Variants in APAF1 observed in about 807,000 individuals in gnomAD.
APAF1 encodes apoptotic protease-activating factor 1.
A neutral mutation model predicts 152.4 loss-of-function variants in APAF1; 91 were observed. The ratio of observed to expected loss-of-function variants is 0.60; its 90% confidence interval spans 0.50 to 0.71. APAF1 has a LOEUF of 0.71. Ranked by LOEUF, APAF1 falls within the 30% of genes least tolerant of loss-of-function variation. The probability of loss-of-function intolerance (pLI) is 0.00; values close to 1 mark genes in which losing one functional copy is unlikely to be tolerated. For missense variants in APAF1, 1,283 were observed against 1,472.0 expected (o/e 0.87, Z 2.10); for synonymous variants, 484 against 494.1 (o/e 0.98, Z 0.27).
Position 98,665,630 on chromosome 12 carries a change from C to T in APAF1, c.1033C>T (p.Leu345Phe). The T allele has an allele frequency of 6.2e-7, 1 of 1,613,760 alleles. No individual in the cohort carries two copies. Among genetic ancestry groups the T allele is most frequent in the Non-Finnish European group, 8.5e-7 (1 of 1,179,948 alleles). ...PNRWEYYLKQ[L>F]QNKQFKRIRK... is the part of the protein sequence containing the mutation. ...TCGCTGGGAGTACTACCTCAAACAGCTTCAGAATAAGCAGTTTAAGAGAAT... is the reference window on the plus strand; with the variant it reads ...TCGCTGGGAGTACTACCTCAAACAGTTTCAGAATAAGCAGTTTAAGAGAAT... The change falls in exon 8 of 27, where the codon CTT (leucine) becomes TTT (phenylalanine). Residue 345 changes from leucine to phenylalanine, a missense_variant. Leu to Phe is a conservative substitution (Grantham distance 22, BLOSUM62 0). Coordinates refer to ENST00000551964, the MANE Select transcript of APAF1 (RefSeq NM_181861.2).
In APAF1 at chr12:98,712,449, GTCTTCAGAATCTTTC is replaced by G. The variant is rs752239491; in HGVS notation, c.2958+16_2958+30del. The G allele has an allele frequency of 3.0e-6, 4 of 1,339,478 alleles. No homozygotes were observed. The South Asian group carries it at 3.5e-5, about 12-fold the overall frequency. The allele number at this position is 1,339,478 out of a possible 1,614,324, so 83.0% of individuals were successfully genotyped here. On this transcript the variant is annotated intron_variant, in intron 21 of 26. Transcript: ENST00000551964. ...GGAGCCATTGAGGTATTCAGTGCTA[GTCTTCAGAATCTTTC>G]TGTACAGAATTAAATAAAACTAATT...
intron 13 of APAF1, among the ~76,000 whole-genome samples, chr12:98,678,773 G>T (rs2097689219): frequency 6.6e-6 from 1 of 152,256 alleles, no homozygotes; most frequent in Admixed American, 6.5e-5. Context: ...GCTGAGCCTG[G>T]GTGCTGTTGC....
In APAF1 at chr12:98,662,753, T is replaced by C; in HGVS notation, c.902T>C (p.Met301Thr). The C allele has an allele frequency of 1.2e-6, 2 of 1,612,204 alleles. No individual in the cohort carries two copies. Among genetic ancestry groups the C allele is most frequent in the Non-Finnish European group, 1.7e-6 (2 of 1,179,184 alleles). The change falls in exon 7 of 27, where the codon ATG becomes ACG. Residue 301 changes from methionine to threonine, a missense_variant. By Grantham distance (81) the Met-to-Thr change is moderately conservative (BLOSUM62 -1). Transcript: ENST00000551964. ...GLEILSLFVNMKKADLPEQAH... is the reference protein window; with the variant it reads ...GLEILSLFVNTKKADLPEQAH... ...GAAATTTTATCCCTTTTTGTTAATATGAAGAAGGCAGATTTGCCAGAACAA... is the reference window on the plus strand; with the variant it reads ...GAAATTTTATCCCTTTTTGTTAATACGAAGAAGGCAGATTTGCCAGAACAA...
rs2097764102 is a variant in APAF1 at position 98,732,663 on chromosome 12, T to C, written c.*97T>C. 2 of 837,802 alleles carry C rather than the reference T, an allele frequency of 2.4e-6. No homozygotes were observed. The highest frequency in any genetic ancestry group is 3.2e-4 in the Middle Eastern group (1 of 3,170). The allele number at this position is 837,802 out of a possible 1,614,324, so 51.9% of individuals were successfully genotyped here. A position where few individuals can be genotyped will look rare whatever the true frequency, so the allele number is the denominator to read the frequency against. ...TATCAACTTTTTATAAAGCTCTTAA[T>C]TGTTGTGCAGTATTGCATTCATTAC... On this transcript the variant is annotated 3_prime_UTR_variant, in exon 27 of 27. Coordinates refer to ENST00000551964, the MANE Select transcript of APAF1 (RefSeq NM_181861.2).
intron 22 of APAF1, among the ~76,000 whole-genome samples, chr12:98,717,357 C>A (rs769469396): frequency 4.0e-5 from 6 of 151,150 alleles, no homozygotes; most frequent in Admixed American, 3.9e-4. Context: ...ATTATATACA[C>A]ACACACACAC....
At chr12:98,704,946 AT>A (rs879862307) in intron 18 of APAF1, among the ~76,000 whole-genome samples, 4 of 150,940 alleles carry the variant, frequency 2.7e-5, no homozygotes, top group Admixed American at 6.6e-5. Flanking sequence ...TGCCCGGCTA[AT>A]TTTTTTTTGT....
rs1199843033 is a variant in APAF1 at position 98,659,271 on chromosome 12, C to G, written c.638C>G (p.Ser213Cys). 1.2e-6 allele frequency: 2 copies of G among 1,614,020 alleles called. No homozygotes were observed. Among genetic ancestry groups the G allele is most frequent in the Non-Finnish European group, 1.7e-6 (2 of 1,180,034 alleles). The change falls in exon 5 of 27, where the codon TCC becomes TGC. Residue 213 changes from serine to cysteine, a missense_variant. Ser to Cys is a moderately radical substitution (Grantham distance 112). Transcript: ENST00000551964. ...CGGTTGGATCAGGATGAGAGTTTTT[C>G]CCAGAGGCTTCCACTTAATATTGAA... ...CTRLDQDESF[S>C]QRLPLNIEEA... is the part of the protein sequence containing the mutation.
intron 16 of APAF1, among the ~76,000 whole-genome samples, chr12:98,696,796 G>A (rs113360522): frequency 2.6e-5 from 4 of 152,078 alleles, no homozygotes; most frequent in Non-Finnish European, 5.9e-5. Flanking sequence ...GCACCCTGCC[G>A]GGAGTAATCA....
intron 5 of APAF1, among the ~76,000 whole-genome samples, chr12:98,661,209 T>C (rs2097664840): frequency 6.6e-6 from 1 of 152,206 alleles, no homozygotes; most frequent in East Asian, 1.9e-4. Flanking sequence ...CCCCTCCTTC[T>C]CTTGATATTG....
chr12:98,664,927 CTTAAT>C (rs1490639220), intron 7 of APAF1, among the ~76,000 whole-genome samples: 1 of 152,038 alleles, frequency 6.6e-6, no homozygotes, highest in Non-Finnish European at 1.5e-5. Flanking sequence ...ATTGATATAT[CTTAAT>C]TTATTCAACC....
intron 4 of APAF1, among the ~76,000 whole-genome samples, chr12:98,653,359 TA>T (rs1276436945): frequency 6.6e-6 from 1 of 151,946 alleles, no homozygotes; most frequent in Non-Finnish European, 1.5e-5. Context: ...TAAAGAATAT[TA>T]AGTTGTTAAC....
chr12:98,704,946 A>AT lies in APAF1; in HGVS notation c.2595+1456dup, dbSNP rs879862307. Among the ~76,000 whole-genome samples the AT allele has an allele frequency of 1.9e-3, 281 of 151,062 alleles. 1 individual carries two copies. The highest frequency in any genetic ancestry group is 6.5e-3 in the African/African-American group (266 of 41,170). On this transcript the variant is annotated intron_variant, in intron 18 of 26. Coordinates refer to ENST00000551964, the MANE Select transcript of APAF1 (RefSeq NM_181861.2). Reference sequence around the variant, plus strand: ...AGGTGCCCACCAGCATGCCCGGCTAATTTTTTTTTGTATTTTTCATGGAGA... The same window carrying AT: ...AGGTGCCCACCAGCATGCCCGGCTAATTTTTTTTTTGTATTTTTCATGGAGA...
chr12:98,710,179 G>GTTTTTTTT (rs71443529), intron 20 of APAF1, among the ~76,000 whole-genome samples: 1 of 127,738 alleles, frequency 7.8e-6, no homozygotes, highest in Non-Finnish European at 1.6e-5. Context: ...CGGCCTAAGG[G>GTTTTTTTT]TTTTTTTTTT....
At chr12:98,704,346 C>T (rs2153336696) in intron 18 of APAF1, among the ~76,000 whole-genome samples, 1 of 152,316 alleles carries the variant, frequency 6.6e-6, no homozygotes, top group South Asian at 2.1e-4. Flanking sequence ...GAAACCCCTT[C>T]AGATCACAGT....
intron 22 of APAF1, among the ~76,000 whole-genome samples, chr12:98,719,574 G>A (rs967746562): frequency 1.3e-5 from 2 of 150,306 alleles, no homozygotes; most frequent in African/African-American, 2.5e-5. Flanking sequence ...GGATGGTCTC[G>A]ATCTCTTGAC....
chr12:98,715,677 C>T, intron 22 of APAF1, 125 bp downstream of exon 22: 1 of 1,122,028 alleles, frequency 8.9e-7, no homozygotes, highest in Non-Finnish European at 1.3e-6. Context: ...AGATTATGTA[C>T]ATGGGCTTAG....
chr12:98,699,012 C>T (rs981211251), intron 16 of APAF1, among the ~76,000 whole-genome samples: 1 of 152,128 alleles, frequency 6.6e-6, no homozygotes, highest in Non-Finnish European at 1.5e-5. Flanking sequence ...AGTCTTCCTG[C>T]TGTGCATGTG....
At chr12:98,670,166 A>T (rs964324385) in intron 10 of APAF1, among the ~76,000 whole-genome samples, 3 of 151,474 alleles carry the variant, frequency 2.0e-5, no homozygotes, top group African/African-American at 7.3e-5. Context: ...GCTGATCTTG[A>T]CCCCTGGGCT....
intron 10 of APAF1, 40 bp downstream of exon 10, chr12:98,667,684 C>G (rs2097674854): frequency 6.2e-7 from 1 of 1,602,558 alleles, no homozygotes; most frequent in Non-Finnish European, 8.5e-7. Context: ...TCTGACTTCC[C>G]TTTTTCCATA....
Sources: gnomAD v4.1 joint callset for allele counts (sites outside exome capture counted in the v4.1 genomes callset) on GRCh38, gnomAD v4.1.1 for gene constraint, MANE v1.5 for transcripts, NCBI Gene and HGNC (gene_info 2026-07-23, HGNC 2026-07-21) for gene names.